The following PIK3C2G variants were observed in gnomAD, a reference collection of about 807,000 sequenced individuals.
The protein encoded by PIK3C2G is phosphatidylinositol-4-phosphate 3-kinase catalytic subunit type 2 gamma, also known as phosphatidylinositol 3-kinase C2 domain-containing subunit gamma.
A neutral mutation model predicts 181.1 loss-of-function variants in PIK3C2G; 168 were observed. That is an observed-to-expected ratio of 0.93 (90% CI 0.82 to 1.05). PIK3C2G has a LOEUF of 1.05. PIK3C2G is among the 50% of genes least tolerant of loss of function. The pLI is 0.00. For missense variants in PIK3C2G, 1,869 were observed against 1,732.8 expected, an observed-to-expected ratio of 1.08 and a Z score of -1.40; for synonymous variants, 573 against 592.2, an observed-to-expected ratio of 0.97 and a Z score of 0.47.
chr12:18,422,457 C>T lies in PIK3C2G; in HGVS notation c.2409+1423C>T, dbSNP rs79129718. On this transcript the variant is annotated intron_variant, in intron 17 of 32. Transcript: ENST00000538779. ...TCTCTTGAATCATGCTATTTTGTTA[C>T]GTATTATCATGTTAGAATTATGCAG... Among the ~76,000 whole-genome samples, 1,138 of 152,038 alleles carry T rather than the reference C, an allele frequency of 7.5e-3. 15 individuals carry two copies. Among genetic ancestry groups the T allele is most frequent in the African/African-American group, 0.026 (1,099 of 41,480 alleles).
chr12:18,298,438 T>A (rs938528640), intron 5 of PIK3C2G, among the ~76,000 whole-genome samples: 1 of 151,368 alleles, frequency 6.6e-6, no homozygotes, highest in East Asian at 1.9e-4. Flanking sequence ...GAGTTTCTTT[T>A]ATATTCTGCA....
chr12:18,724,610 C>A, the PIK3C2G span, among the ~76,000 whole-genome samples: 2 of 151,998 alleles, frequency 1.3e-5, no homozygotes, highest in Admixed American at 6.6e-5. Context: ...AATGATAGCA[C>A]CTTAAAATTA....
chr12:18,473,791 CA>C (rs1385056783), intron 18 of PIK3C2G, among the ~76,000 whole-genome samples: 4 of 152,054 alleles, frequency 2.6e-5, no homozygotes, highest in African/African-American at 9.7e-5. Context: ...ATGCTTTTGA[CA>C]ATGACATGAA....
At chr12:18,692,379 T>A in the PIK3C2G span, among the ~76,000 whole-genome samples, 1 of 152,146 alleles carries the variant, frequency 6.6e-6, no homozygotes, top group Admixed American at 6.6e-5. Context: ...AACTAGAGGT[T>A]TTTCAAAAGA....
chr12:18,692,729 A>G, the PIK3C2G span: 2 of 893,668 alleles, frequency 2.2e-6, no homozygotes, highest in South Asian at 2.9e-5. Context: ...AACATAAAGA[A>G]AAAATGTTAA....
chr12:18,581,107 A>G (rs1291049574), intron 29 of PIK3C2G, among the ~76,000 whole-genome samples: 2 of 152,376 alleles, frequency 1.3e-5, no homozygotes, highest in African/African-American at 2.4e-5. Context: ...TGAATTGATC[A>G]ACTCTCTGAA....
At chr12:18,634,328 C>A (rs997610012) in intron 31 of PIK3C2G, among the ~76,000 whole-genome samples, 19 of 152,138 alleles carry the variant, frequency 1.2e-4, no homozygotes, top group Non-Finnish European at 7.4e-5. Context: ...CTCCTACAAC[C>A]AAGAAAGAGG....
chr12:18,323,239 G>C (rs923104488), intron 7 of PIK3C2G, among the ~76,000 whole-genome samples: 2 of 152,128 alleles, frequency 1.3e-5, no homozygotes, highest in Admixed American at 6.5e-5. Context: ...CTGTAGCAAG[G>C]GTAGAGGAAA....
chr12:18,562,961 C>A, intron 27 of PIK3C2G, 69 bp downstream of exon 27: 1 of 976,834 alleles, frequency 1.0e-6, no homozygotes, highest in Non-Finnish European at 1.5e-6. Flanking sequence ...CTTCACTATG[C>A]TACACAGCCT....
At chr12:18,555,718 A>G (rs1169949352) in intron 26 of PIK3C2G, among the ~76,000 whole-genome samples, 1 of 152,084 alleles carries the variant, frequency 6.6e-6, no homozygotes, top group African/African-American at 2.4e-5. Flanking sequence ...TCAAAGGTTC[A>G]TTGTCTTAGT....
chr12:18,558,187 C>A (rs377731831), intron 26 of PIK3C2G, among the ~76,000 whole-genome samples: 1 of 151,942 alleles, frequency 6.6e-6, no homozygotes, highest in African/African-American at 2.4e-5. Context: ...AACGAGGAGG[C>A]CAGAAACAGT....
At chr12:18,405,676 A>C (rs928321071) in intron 16 of PIK3C2G, among the ~76,000 whole-genome samples, 1 of 152,170 alleles carries the variant, frequency 6.6e-6, no homozygotes, top group Admixed American at 6.6e-5. Flanking sequence ...AAATAGAATT[A>C]GGTCTAAAAA....
the PIK3C2G span, among the ~76,000 whole-genome samples, chr12:18,655,883 G>A: frequency 6.6e-6 from 1 of 152,144 alleles, no homozygotes; most frequent in Admixed American, 6.6e-5. Context: ...GCCAAGAGGA[G>A]CTTCAGGAGA....
upstream of PIK3C2G, among the ~76,000 whole-genome samples, chr12:18,261,372 C>T (rs1948227021): frequency 6.6e-6 from 1 of 152,042 alleles, no homozygotes; most frequent in African/African-American, 2.4e-5. Context: ...TCAATGCAAA[C>T]CTTTTTTCTT....
At chr12:18,595,882 A>G (rs939486888) in intron 30 of PIK3C2G, among the ~76,000 whole-genome samples, 1 of 152,114 alleles carries the variant, frequency 6.6e-6, no homozygotes, top group East Asian at 1.9e-4. Flanking sequence ...TCATCATGGG[A>G]TTCCAGCAGA....
At chr12:18,511,981 C>G (rs1362393772) in intron 24 of PIK3C2G, among the ~76,000 whole-genome samples, 8 of 151,906 alleles carry the variant, frequency 5.3e-5, no homozygotes, top group Non-Finnish European at 1.2e-4. Context: ...CCATTTTGAG[C>G]TATTTTTTGT....
At chr12:18,385,821 C>T (rs1265541305) in intron 14 of PIK3C2G, among the ~76,000 whole-genome samples, 1 of 152,054 alleles carries the variant, frequency 6.6e-6, no homozygotes, top group Non-Finnish European at 1.5e-5. Context: ...CTATCTCGGA[C>T]CCCCAAAGTG....
At chr12:18,424,062 A>G in intron 18 of PIK3C2G, 23 bp downstream of exon 18, 1 of 1,480,350 alleles carries the variant, frequency 6.8e-7, no homozygotes, top group Non-Finnish European at 9.4e-7. Flanking sequence ...AAATCAGGCA[A>G]GGATGCCTTT....
chr12:18,316,048 TTC>T (rs1348599292), intron 6 of PIK3C2G, among the ~76,000 whole-genome samples: 1 of 152,062 alleles, frequency 6.6e-6, no homozygotes, highest in East Asian at 1.9e-4. Flanking sequence ...CCAAGTGATG[TTC>T]TTAGTCCTTT....
Sources: allele counts gnomAD v4.1 joint callset (sites outside exome capture counted in the v4.1 genomes callset), GRCh38; gene constraint gnomAD v4.1.1; transcripts MANE v1.5; gene names NCBI Gene and HGNC (gene_info 2026-07-23, HGNC 2026-07-21).